The following AQP3 variants were observed in gnomAD, a reference collection of about 807,000 sequenced individuals.
The protein encoded by AQP3 is aquaporin 3 (Gill blood group).
AQP3 carries 15 observed loss-of-function variants against 30.3 expected under a neutral mutation model. The observed-to-expected ratio is 0.49, with a 90% CI of 0.33 to 0.76. The LOEUF is 0.76. AQP3 is among the 30% of genes least tolerant of loss of function. AQP3 has a pLI of 0.02. For missense variants in AQP3, 272 were observed against 384.8 expected (o/e 0.71, Z 2.45); for synonymous variants, 153 against 163.2 (o/e 0.94, Z 0.47).
chr9:33,442,974 G>GGCAGCT lies in AQP3; in HGVS notation c.374-5_374-4insAGCTGC. 1 of 1,613,084 alleles carries GGCAGCT rather than the reference G, an allele frequency of 6.2e-7. No homozygotes were observed. Among genetic ancestry groups the GGCAGCT allele is most frequent in the Non-Finnish European group, 8.5e-7 (1 of 1,178,994 alleles). Reference sequence around the variant, plus strand: ...TCGGCGAAGTGCCAGATTGCATCTGGTGACAGATTAGACACACAGTGAGTC... The same window carrying GGCAGCT: ...TCGGCGAAGTGCCAGATTGCATCTGGGCAGCTTGACAGATTAGACACACAGTGAGTC... On this transcript the variant is annotated splice_polypyrimidine_tract_variant and splice_region_variant and intron_variant, in intron 3 of 5. Transcript: ENST00000297991.
rs758918666 is a variant in AQP3, at chr9:33,444,444, AC to A, written c.109-553del. 6.6e-5 allele frequency among the ~76,000 whole-genome samples: 10 copies of A among 152,300 alleles called. No homozygotes were observed. The East Asian group carries it at 1.7e-3, about 26-fold the overall frequency. ...GTGAAACCCCATCTCTACTAAAAGT[AC>A]AAAAATTAGCCAGGCGTGGTGGCAG... is the stretch of plus-strand genomic sequence containing the variant. On this transcript the variant is annotated intron_variant, in intron 1 of 5. Coordinates refer to ENST00000297991, the MANE Select transcript of AQP3 (RefSeq NM_004925.5).
rs763671259 is a variant in AQP3 at position 33,443,738 on chromosome 9, A to AGG, written c.235+26_235+27dup. The AGG allele has an allele frequency of 5.3e-5, 85 of 1,613,748 alleles. No homozygotes were observed. The African/African-American group carries it at 1.0e-3, about 20-fold the overall frequency. ...CTAGTGGGAATGCTATTGAGGGCCA[A>AGG]GGGCTGGGGGCAGGGTTAAGGCCTT... On this transcript the variant is annotated intron_variant, in intron 2 of 5. Coordinates refer to ENST00000297991, the MANE Select transcript of AQP3 (RefSeq NM_004925.5). The surrounding 1 kb of genome is among the most constrained non-coding windows in gnomAD (Gnocchi z 5.0).
chr9:33,446,448 G>A (rs1439010240), intron 1 of AQP3, among the ~76,000 whole-genome samples: 1 of 152,210 alleles, frequency 6.6e-6, no homozygotes, highest in African/African-American at 2.4e-5. Context: ...CAGGAACGGA[G>A]TAACCCACTC....
chr9:33,443,663 G>A lies in AQP3; in HGVS notation c.235+103C>T. 6.4e-7 allele frequency: 1 copy of A among 1,573,642 alleles called. No homozygotes were observed. The highest frequency in any genetic ancestry group is 1.3e-5 in the African/African-American group (1 of 74,160). On this transcript the variant is annotated intron_variant, in intron 2 of 5. Coordinates refer to ENST00000297991, the MANE Select transcript of AQP3 (RefSeq NM_004925.5). The surrounding 1 kb of genome is among the most constrained non-coding windows in gnomAD (Gnocchi z 5.0). ...CTTCTCCACCCTCCTTTCCCAAGGGGCCAAAGCAGAGGCCACAGCTGTGAC... is the reference window on the plus strand; with the variant it reads ...CTTCTCCACCCTCCTTTCCCAAGGGACCAAAGCAGAGGCCACAGCTGTGAC...
Position 33,443,552 on chromosome 9 carries a change from C to T in AQP3, c.236-94G>A. 6.6e-7 allele frequency: 1 copy of T among 1,519,130 alleles called. No individual in the cohort carries two copies. 94.1% of individuals were successfully genotyped at this position (1,519,130 alleles called of 1,614,324 possible). On this transcript the variant is annotated intron_variant, in intron 2 of 5. Coordinates refer to ENST00000297991, the MANE Select transcript of AQP3 (RefSeq NM_004925.5). This position sits in a 1 kb window ranked among gnomAD's most constrained non-coding sequence, Gnocchi z 5.0. ...AAGGGGTGCAGAGAGGGGTTTCTTG[C>T]ACAGGATGGCGGTTGGTCTATGTAA...
Position 33,443,064 on chromosome 9 carries a change from G to C in AQP3, c.374-94C>G. 1 of 1,259,860 alleles carries C rather than the reference G, an allele frequency of 7.9e-7. No homozygotes were observed. The highest frequency in any genetic ancestry group is 1.2e-6 in the Non-Finnish European group (1 of 862,680). The allele number at this position is 1,259,860 out of a possible 1,614,324, so 78.0% of individuals were successfully genotyped here. A position where few individuals can be genotyped will look rare whatever the true frequency, so the allele number is the denominator to read the frequency against. On this transcript the variant is annotated intron_variant, in intron 3 of 5. Coordinates refer to ENST00000297991, the MANE Select transcript of AQP3 (RefSeq NM_004925.5). This position sits in a 1 kb window ranked among gnomAD's most constrained non-coding sequence, Gnocchi z 5.0. ...CCCTCCCCACCCTCCCATGAGTTATGGGTAAGTAGCAATACTGCTGTATTG... is the reference window on the plus strand; with the variant it reads ...CCCTCCCCACCCTCCCATGAGTTATCGGTAAGTAGCAATACTGCTGTATTG...
chr9:33,441,973 G>A lies in AQP3; in HGVS notation c.*70C>T, dbSNP rs1310383264. ...GTGGATCGTGAAGGGGGCTTCTTGG[G>A]AGTGGCCCTTGGACAGTCAGTGGAT... On this transcript the variant is annotated 3_prime_UTR_variant, in exon 6 of 6. Transcript: ENST00000297991. The A allele has an allele frequency of 1.3e-6, 2 of 1,582,966 alleles. No homozygotes were observed. The highest frequency in any genetic ancestry group is 1.7e-5 in the Admixed American group (1 of 58,558).
Position 33,447,534 on chromosome 9 carries a change from G to T in AQP3, c.-4C>A. Reference sequence around the variant, plus strand: ...CCAGCTCCTTCTGTCGACCCATGGCGGGGCAGGCGGCGGCGCTGTCGGGCG... The same window carrying T: ...CCAGCTCCTTCTGTCGACCCATGGCTGGGCAGGCGGCGGCGCTGTCGGGCG... On this transcript the variant is annotated 5_prime_UTR_variant, in exon 1 of 6. Transcript: ENST00000297991. 1 of 1,593,674 alleles carries T rather than the reference G, an allele frequency of 6.3e-7. No homozygotes were observed. Among genetic ancestry groups the T allele is most frequent in the Non-Finnish European group, 8.6e-7 (1 of 1,169,554 alleles).
At position 33,442,216 on chromosome 9, in the gene AQP3, G is replaced by A. The variant is rs755265932; in HGVS notation, c.711-5C>T. 2 of 1,612,652 alleles carry A rather than the reference G, an allele frequency of 1.2e-6. No homozygotes were observed. The highest frequency in any genetic ancestry group is 1.7e-6 in the Non-Finnish European group (2 of 1,179,608). ...CACCACCAATGCTGGCCGGTCCTGG[G>A]GGGACAGACACTCATAGTCAGGGAC... is the stretch of plus-strand genomic sequence containing the variant. On this transcript the variant is annotated splice_polypyrimidine_tract_variant and splice_region_variant and intron_variant, in intron 5 of 5. Transcript: ENST00000297991.
At chr9:33,445,152 G>T (rs1826896922) in intron 1 of AQP3, among the ~76,000 whole-genome samples, 1 of 152,074 alleles carries the variant, frequency 6.6e-6, no homozygotes, top group Non-Finnish European at 1.5e-5. Context: ...GAAAAAGAAC[G>T]TACTATGTCT....
chr9:33,442,581 T>TC, intron 4 of AQP3, 63 bp from the exon 5 acceptor site: 1 of 1,457,578 alleles, frequency 6.9e-7, no homozygotes, highest in South Asian at 1.2e-5. Context: ...CCTCCTTCCA[T>TC]CCCCCGTCTT....
chr9:33,444,360 T>A (rs1159107451), intron 1 of AQP3, among the ~76,000 whole-genome samples: 1 of 151,854 alleles, frequency 6.6e-6, no homozygotes, highest in Non-Finnish European at 1.5e-5. Context: ...AGCACTTTGG[T>A]AGGCCGAGGT....
chr9:33,445,881 A>C (rs1338051975), intron 1 of AQP3, among the ~76,000 whole-genome samples: 2 of 152,206 alleles, frequency 1.3e-5, no homozygotes, highest in African/African-American at 4.8e-5. Flanking sequence ...CAGTTCATGC[A>C]GTCCTTGAAG....
chr9:33,443,259 G>C lies in AQP3; in HGVS notation c.373+62C>G. On this transcript the variant is annotated intron_variant, in intron 3 of 5. Coordinates refer to ENST00000297991, the MANE Select transcript of AQP3 (RefSeq NM_004925.5). This position sits in a 1 kb window ranked among gnomAD's most constrained non-coding sequence, Gnocchi z 5.0. ...GCCGTCTGTCATCAAAAGGCCTGGT[G>C]CCAGCAGGTCCTGAACAGAGGGACG... The C allele has an allele frequency of 1.3e-6, 2 of 1,551,382 alleles. No homozygotes were observed. Among genetic ancestry groups the C allele is most frequent in the Non-Finnish European group, 1.7e-6 (2 of 1,145,678 alleles).
rs1374090530 is a variant in AQP3 at position 33,443,236 on chromosome 9, C to T, written c.373+85G>A. The T allele has an allele frequency of 1.5e-5, 23 of 1,530,346 alleles. No individual in the cohort carries two copies. Among genetic ancestry groups the T allele is most frequent in the South Asian group, 9.6e-5 (8 of 83,378 alleles). 94.8% of individuals were successfully genotyped at this position (1,530,346 alleles called of 1,614,324 possible). A position where few individuals can be genotyped will look rare whatever the true frequency, so the allele number is the denominator to read the frequency against. On this transcript the variant is annotated intron_variant, in intron 3 of 5. Transcript: ENST00000297991. This position sits in a 1 kb window ranked among gnomAD's most constrained non-coding sequence, Gnocchi z 5.0. ...GCCCGGGGCCTGGGCAGGTCCTAGC[C>T]GTCTGTCATCAAAAGGCCTGGTGCC...
rs768325545 is a variant in AQP3 at position 33,447,557 on chromosome 9, G to C, written c.-27C>G. ...GCGGGGCAGGCGGCGGCGCTGTCGG[G>C]CGGGCAGGGGTGGCGGGAGGCGGTG... On this transcript the variant is annotated 5_prime_UTR_variant, in exon 1 of 6. Coordinates refer to ENST00000297991, the MANE Select transcript of AQP3 (RefSeq NM_004925.5). The C allele has an allele frequency of 4.5e-6, 7 of 1,554,708 alleles. No homozygotes were observed. In the African/African-American group the frequency reaches 5.4e-5, roughly 12 times the overall value.
intron 4 of AQP3, 49 bp from the exon 5 acceptor site, chr9:33,442,567 GA>G: frequency 6.6e-7 from 1 of 1,525,422 alleles, no homozygotes; most frequent in Non-Finnish European, 8.9e-7. Context: ...CCCTTTCTCT[GA>G]CCCCTCCTTC....
intron 1 of AQP3, among the ~76,000 whole-genome samples, chr9:33,447,199 A>G (rs35198645): frequency 0.017 from 2,563 of 152,326 alleles, 56 homozygotes; most frequent in African/African-American, 0.057. Context: ...ACTGGGGAGT[A>G]ACAGCTGTCA....
Position 33,441,962 on chromosome 9 carries a change from G to T in AQP3, c.*81C>A. On this transcript the variant is annotated 3_prime_UTR_variant, in exon 6 of 6. Transcript: ENST00000297991. ...AGCCTGAAAGGGTGGATCGTGAAGG[G>T]GGCTTCTTGGGAGTGGCCCTTGGAC... 6.4e-7 allele frequency: 1 copy of T among 1,569,370 alleles called. No individual in the cohort carries two copies. Among genetic ancestry groups the T allele is most frequent in the South Asian group, 1.2e-5 (1 of 85,598 alleles).
Sources: allele counts gnomAD v4.1 joint callset (sites outside exome capture counted in the v4.1 genomes callset), GRCh38; gene constraint gnomAD v4.1.1; non-coding constraint Gnocchi (gnomAD v3.1); transcripts MANE v1.5; gene names NCBI Gene and HGNC (gene_info 2026-07-23, HGNC 2026-07-21).